The following PREX1 variants were observed in gnomAD, a reference collection of about 807,000 sequenced individuals.
PREX1 encodes phosphatidylinositol-3,4,5-trisphosphate dependent Rac exchange factor 1, also known as phosphatidylinositol 3,4,5-trisphosphate-dependent Rac exchanger 1 protein.
Under a neutral mutation model 198.3 loss-of-function variants are expected in PREX1, and 41 were observed. The observed-to-expected ratio is 0.21, with a 90% CI of 0.16 to 0.27. The LOEUF is 0.27. Ranked by LOEUF, PREX1 falls within the 10% of genes least tolerant of loss-of-function variation. The pLI is 1.00. For synonymous variants in PREX1, 843 were observed against 887.2 expected, an observed-to-expected ratio of 0.95 and a Z score of 0.89; for missense variants, 1,620 against 2,200.7, an observed-to-expected ratio of 0.74 and a Z score of 5.28.
At chr20:48,719,647 G>A (rs2089977121) in intron 5 of PREX1, among the ~76,000 whole-genome samples, 1 of 152,162 alleles carries the variant, frequency 6.6e-6, no homozygotes, top group Non-Finnish European at 1.5e-5. Context: ...GAAGGACTCT[G>A]GGAAATCAAA....
intron 4 of PREX1, among the ~76,000 whole-genome samples, chr20:48,727,990 A>G (rs1482951621): frequency 6.6e-6 from 1 of 152,182 alleles, no homozygotes; most frequent in Non-Finnish European, 1.5e-5. Context: ...CTATGTGCCC[A>G]TTATGTGTAA....
chr20:48,661,440 AAAAAATATATAT>A (rs1835176233), intron 15 of PREX1, among the ~76,000 whole-genome samples: 1 of 90,200 alleles, frequency 1.1e-5, no homozygotes, highest in Non-Finnish European at 1.9e-5. Context: ...AAAAAAAAAA[AAAAAATATATAT>A]ATATATATAT....
the PREX1 span, among the ~76,000 whole-genome samples, chr20:48,873,562 A>G: frequency 4.7e-5 from 7 of 150,354 alleles, no homozygotes; most frequent in African/African-American, 1.7e-4. Context: ...TACAAAAAAA[A>G]AAAAAAAAAA....
At chr20:48,845,151 G>A in the PREX1 span, among the ~76,000 whole-genome samples, 60 of 152,262 alleles carry the variant, frequency 3.9e-4, no homozygotes, top group East Asian at 0.012. Flanking sequence ...TATGCACTGG[G>A]CATTATGCAA....
intron 3 of PREX1, among the ~76,000 whole-genome samples, chr20:48,742,175 T>C (rs2090085488): frequency 6.6e-6 from 1 of 152,120 alleles, no homozygotes; most frequent in Non-Finnish European, 1.5e-5. Flanking sequence ...GGGGGGCTCA[T>C]GATAGATCGC....
intron 15 of PREX1, among the ~76,000 whole-genome samples, chr20:48,661,725 T>C (rs752345126): frequency 1.5e-4 from 23 of 151,478 alleles, no homozygotes; most frequent in Non-Finnish European, 3.1e-4. Context: ...GCTCCTTGGA[T>C]AAGGATTTGC....
the PREX1 span, among the ~76,000 whole-genome samples, chr20:48,860,700 T>C: frequency 6.6e-6 from 1 of 151,304 alleles, no homozygotes; most frequent in Non-Finnish European, 1.5e-5. Flanking sequence ...ATTAGCCAGG[T>C]GTGGTGGCAC....
chr20:48,661,419 CAAAAAAAAAA>C (rs1168247790), intron 15 of PREX1, among the ~76,000 whole-genome samples: 4 of 12,026 alleles, frequency 3.3e-4, no homozygotes, highest in South Asian at 6.1e-3. Flanking sequence ...AACTCCATCT[CAAAAAAAAAA>C]AAAAAAAAAA....
intron 6 of PREX1, among the ~76,000 whole-genome samples, chr20:48,702,922 A>G (rs570423603): frequency 6.6e-6 from 1 of 152,254 alleles, no homozygotes; most frequent in African/African-American, 2.4e-5. Flanking sequence ...TTCACGTGAC[A>G]GACCAGCAGA....
chr20:48,688,619 G>GCC, intron 10 of PREX1, 38 bp downstream of exon 10: 1 of 1,612,430 alleles, frequency 6.2e-7, no homozygotes, highest in Non-Finnish European at 8.5e-7. Context: ...CCAGCTGAGA[G>GCC]CCCAGGGACC....
chr20:48,692,812 G>A, intron 7 of PREX1, 22 bp from the exon 8 acceptor site: 1 of 1,582,078 alleles, frequency 6.3e-7, no homozygotes, highest in Non-Finnish European at 8.7e-7. Flanking sequence ...TGAGAAGTCA[G>A]TGTCCCCTAC....
chr20:48,762,697 GTTTC>G (rs1177644148), intron 1 of PREX1, among the ~76,000 whole-genome samples: 3 of 134,902 alleles, frequency 2.2e-5, no homozygotes, highest in Non-Finnish European at 1.6e-5. Context: ...ATGGTATGAA[GTTTC>G]TTTTTTTTTT....
At chr20:48,650,249 G>A in intron 23 of PREX1, 43 bp from the exon 24 acceptor site, 1 of 1,558,674 alleles carries the variant, frequency 6.4e-7, no homozygotes, top group South Asian at 1.1e-5. Flanking sequence ...ACAGGGCAGG[G>A]TCTGGAAATA....
At chr20:48,746,750 A>G (rs2090109299) in intron 2 of PREX1, among the ~76,000 whole-genome samples, 1 of 141,772 alleles carries the variant, frequency 7.1e-6, no homozygotes, top group African/African-American at 2.4e-5. Context: ...TGAGACTTCT[A>G]CCTCATTAAA....
chr20:48,639,715 CA>C, intron 30 of PREX1, 50 bp downstream of exon 30: 1 of 1,599,276 alleles, frequency 6.3e-7, no homozygotes. Context: ...GGTTCCACAC[CA>C]AAAGCCATGG....
intron 1 of PREX1, among the ~76,000 whole-genome samples, chr20:48,785,458 A>G (rs571150960): frequency 1.3e-5 from 2 of 152,356 alleles, no homozygotes; most frequent in African/African-American, 4.8e-5. Context: ...ATTCTGCTCA[A>G]GAAACTGGCT....
chr20:48,630,273 C>T (rs2089303199), intron 36 of PREX1, among the ~76,000 whole-genome samples: 2 of 152,232 alleles, frequency 1.3e-5, no homozygotes, highest in South Asian at 4.1e-4. Flanking sequence ...GGGAGCTGCT[C>T]CCAGCTCGGA....
At chr20:48,729,732 G>A (rs760983330) in intron 4 of PREX1, among the ~76,000 whole-genome samples, 5 of 152,098 alleles carry the variant, frequency 3.3e-5, no homozygotes, top group Non-Finnish European at 5.9e-5. Flanking sequence ...CCACAACCAC[G>A]CTGTTCGCAG....
chr20:48,676,883 C>T (rs2089713225), intron 13 of PREX1, among the ~76,000 whole-genome samples: 1 of 152,208 alleles, frequency 6.6e-6, no homozygotes, highest in Non-Finnish European at 1.5e-5. Context: ...TGTGGTCTAT[C>T]AGGGCCGAGC....
Sources: allele counts gnomAD v4.1 joint callset (sites outside exome capture counted in the v4.1 genomes callset), GRCh38; gene constraint gnomAD v4.1.1; transcripts MANE v1.5; gene names NCBI Gene and HGNC (gene_info 2026-07-23, HGNC 2026-07-21).